The following NSD1 variants were observed in gnomAD, a reference collection of about 807,000 sequenced individuals.
NSD1 encodes histone-lysine N-methyltransferase, H3 lysine-36 specific.
Under a neutral mutation model 242.7 loss-of-function variants are expected in NSD1, and 26 were observed. That is an observed-to-expected ratio of 0.11 (90% confidence interval 0.08 to 0.15). The LOEUF is 0.15. Ranked by LOEUF, NSD1 falls within the 10% of genes least tolerant of loss-of-function variation. The probability of loss-of-function intolerance (pLI) is 1.00; values close to 1 mark genes in which losing one functional copy is unlikely to be tolerated. For synonymous variants in NSD1, 1,106 were observed against 1,178.1 expected (o/e 0.94, Z 1.25); for missense variants, 2,495 against 3,272.8 (o/e 0.76, Z 5.80).
intron 17 of NSD1, among the ~76,000 whole-genome samples, chr5:177,277,054 C>G (rs1186319555): frequency 6.6e-6 from 1 of 151,870 alleles, no homozygotes; most frequent in Admixed American, 6.6e-5. Context: ...ACATATTAAC[C>G]ATATTGAGCT....
intron 2 of NSD1, among the ~76,000 whole-genome samples, chr5:177,167,529 CTA>C (rs1759311536): frequency 6.6e-6 from 1 of 150,932 alleles, no homozygotes; most frequent in Admixed American, 6.6e-5. Flanking sequence ...GAGCAAAACT[CTA>C]TCTCAAAAAA....
At chr5:177,195,896 T>G (rs1337700751) in intron 3 of NSD1, among the ~76,000 whole-genome samples, 1 of 152,210 alleles carries the variant, frequency 6.6e-6, no homozygotes, top group Non-Finnish European at 1.5e-5. Context: ...ACATCTATAC[T>G]GCTTGCTCTC....
chr5:177,260,068 T>G lies in NSD1; in HGVS notation c.5046T>G (p.Leu1682=). The change falls in exon 14 of 23, where the codon CTT becomes CTG. Residue 1682 remains leucine (L), a synonymous_variant. Coordinates refer to ENST00000439151, the MANE Select transcript of NSD1 (RefSeq NM_022455.5). ...GCCTGGCTGCTGGGTCAAAGATCCT[T>G]GCATCTAATAGTATCATCTGCCCTA... ...DFCLAAGSKI[L]ASNSIICPNH... The G allele has an allele frequency of 1.2e-6, 2 of 1,614,220 alleles. No homozygotes were observed. The highest frequency in any genetic ancestry group is 3.3e-4 in the Middle Eastern group (2 of 6,062).
chr5:177,251,834 C>G lies in NSD1; in HGVS notation c.4746C>G (p.Ile1582Met). The G allele has an allele frequency of 6.2e-7, 1 of 1,614,182 alleles. No homozygotes were observed. The highest frequency in any genetic ancestry group is 8.5e-7 in the Non-Finnish European group (1 of 1,180,040). Residue 1582 changes from isoleucine to methionine, a missense_variant, in exon 12 of 23, where the codon ATC (isoleucine) becomes ATG (methionine). Transcript: ENST00000439151. ...CTGAGATGCCAAGAGGAAAATTTAT[C>G]TGCAATGAATGTCGCACAGGTAAAG... The part of the protein sequence containing the change: ...GLTEMPRGKF[I>M]CNECRTGIHT...
chr5:177,159,474 G>A (rs1330017915), intron 2 of NSD1, among the ~76,000 whole-genome samples: 1 of 151,808 alleles, frequency 6.6e-6, no homozygotes, highest in African/African-American at 2.4e-5. Flanking sequence ...GTAGAGACGA[G>A]GTTTCACCGC....
chr5:177,236,870 T>A (rs564532246), intron 6 of NSD1, among the ~76,000 whole-genome samples: 1 of 152,376 alleles, frequency 6.6e-6, no homozygotes, highest in East Asian at 1.9e-4. Flanking sequence ...TGAGACAGTG[T>A]CTTGCCCAAG....
intron 2 of NSD1, among the ~76,000 whole-genome samples, chr5:177,171,285 G>A (rs1352367383): frequency 2.6e-5 from 4 of 151,390 alleles, no homozygotes; most frequent in South Asian, 2.1e-4. Flanking sequence ...CCAGCCTGGC[G>A]ACAGAGCGAG....
At chr5:177,166,621 T>C (rs1006015599) in intron 2 of NSD1, among the ~76,000 whole-genome samples, 1 of 152,112 alleles carries the variant, frequency 6.6e-6, no homozygotes, top group Non-Finnish European at 1.5e-5. Context: ...TGCTCAGTTT[T>C]GTTGTTCAAT....
chr5:177,177,714 A>G (rs896077577), intron 2 of NSD1, among the ~76,000 whole-genome samples: 14 of 152,186 alleles, frequency 9.2e-5, no homozygotes, highest in African/African-American at 3.4e-4. Flanking sequence ...GAGAACCTAT[A>G]TGTATGGGAA....
At chr5:177,173,311 A>G (rs1425502672) in intron 2 of NSD1, among the ~76,000 whole-genome samples, 1 of 143,972 alleles carries the variant, frequency 6.9e-6, no homozygotes, top group East Asian at 2.0e-4. Flanking sequence ...AAAAAAAAAA[A>G]GAATTATATG....
Position 177,294,829 on chromosome 5 carries a change from G to A in NSD1, c.7461G>A (p.Glu2487=). 1.9e-6 allele frequency: 3 copies of A among 1,612,646 alleles called. No individual in the cohort carries two copies. The highest frequency in any genetic ancestry group is 2.2e-5 in the South Asian group (2 of 91,088). The change falls in exon 23 of 23, where the codon GAG becomes GAA. Residue 2487 remains glutamate (E), a synonymous_variant. Transcript: ENST00000439151. ...CTGATGAGAAGATGCCAGTGTTGGA[G>A]TCAAGTTCATGGCCTGCCAGCAAAG... The part of the protein sequence containing the change: ...PQADEKMPVL[E]SSSWPASKGL...
rs747598773 is a variant in NSD1, at chr5:177,211,811, G to C, written c.3412G>C (p.Asp1138His). Reference sequence around the variant, plus strand: ...TGAAAACGGAAAAGGCCCAGAGCTGGACTCTGTAATGAACAGTGAGAATGA... The same window carrying C: ...TGAAAACGGAAAAGGCCCAGAGCTGCACTCTGTAATGAACAGTGAGAATGA... The part of the protein sequence containing the change: ...SFENGKGPEL[D>H]SVMNSENDEL... The change falls in exon 5 of 23, where the codon GAC becomes CAC. Residue 1138 changes from aspartate (D) to histidine (H), a missense_variant. Around this residue, in one of 19 missense-constraint regions of NSD1, gnomAD observed 426 missense variants for 411.4 expected, o/e 1.04. Transcript: ENST00000439151. 1 of 1,614,176 alleles carries C rather than the reference G, an allele frequency of 6.2e-7. No individual in the cohort carries two copies. Among genetic ancestry groups the C allele is most frequent in the Non-Finnish European group, 8.5e-7 (1 of 1,180,044 alleles).
At chr5:177,207,421 T>C (rs1269865346) in intron 4 of NSD1, among the ~76,000 whole-genome samples, 1 of 151,342 alleles carries the variant, frequency 6.6e-6, no homozygotes, top group African/African-American at 2.4e-5. Context: ...TAGCTGGGAC[T>C]ACAGGTGTCC....
intron 10 of NSD1, among the ~76,000 whole-genome samples, chr5:177,247,737 T>C (rs1031074531): frequency 1.3e-5 from 2 of 152,222 alleles, no homozygotes; most frequent in Non-Finnish European, 2.9e-5. Flanking sequence ...ATCATTGATA[T>C]TATCTTCGGG....
Position 177,285,301 on chromosome 5 carries a change from C to T in NSD1, c.6151+1373C>T, listed in dbSNP as rs144339068. 3.5e-3 allele frequency among the ~76,000 whole-genome samples: 533 copies of T among 152,146 alleles called. 4 individuals are homozygous for T. The highest frequency in any genetic ancestry group is 0.012 in the African/African-American group (509 of 41,498). ...ATTTGTGGCTGGGCGCGATGGTTCACGCCTGTAATCCCAGCACTTTGGGAG... is the reference window on the plus strand; with the variant it reads ...ATTTGTGGCTGGGCGCGATGGTTCATGCCTGTAATCCCAGCACTTTGGGAG... On this transcript the variant is annotated intron_variant, in intron 20 of 22. Coordinates refer to ENST00000439151, the MANE Select transcript of NSD1 (RefSeq NM_022455.5).
chr5:177,260,563 G>A (rs1453817581), intron 14 of NSD1, among the ~76,000 whole-genome samples: 1 of 151,942 alleles, frequency 6.6e-6, no homozygotes, highest in Non-Finnish European at 1.5e-5. Flanking sequence ...GGCCAGGCTG[G>A]TCTCAAACTC....
rs1581091469 is a variant in NSD1 at position 177,135,725 on chromosome 5, G to A, written c.622G>A (p.Gly208Arg). 2 of 1,614,182 alleles carry A rather than the reference G, an allele frequency of 1.2e-6. No individual in the cohort carries two copies. Among genetic ancestry groups the A allele is most frequent in the Non-Finnish European group, 8.5e-7 (1 of 1,180,040 alleles). Residue 208 changes from glycine to arginine, a missense_variant, in exon 2 of 23, where the codon GGA (glycine) becomes AGA (arginine). Coordinates refer to ENST00000439151, the MANE Select transcript of NSD1 (RefSeq NM_022455.5). ...AGAGAATGGTGTAAAAGTGGCCATG[G>A]GAAGTGAACAAGACAGCACACCAGA... ...KSENGVKVAM[G>R]SEQDSTPESR... is the part of the protein sequence containing the mutation.
In NSD1 at chr5:177,292,036, C is replaced by T; in HGVS notation, c.6341C>T (p.Thr2114Ile). 1 of 1,614,120 alleles carries T rather than the reference C, an allele frequency of 6.2e-7. No individual in the cohort carries two copies. The highest frequency in any genetic ancestry group is 8.5e-7 in the Non-Finnish European group (1 of 1,180,012). ...QGKRRTQGEI[T>I]KEREDECFSC... ...AAGCGCAGGACCCAGGGTGAAATCACAAAGGAGCGAGAAGATGAGTGTTTT... is the reference window on the plus strand; with the variant it reads ...AAGCGCAGGACCCAGGGTGAAATCATAAAGGAGCGAGAAGATGAGTGTTTT... The change falls in exon 22 of 23, where the codon ACA becomes ATA. Residue 2114 changes from threonine (T) to isoleucine (I), a missense_variant. Thr to Ile is a moderately conservative substitution (Grantham distance 89). This residue lies in a region of NSD1 where 27 missense variants were observed against 33.4 expected (regional missense o/e 0.81). Coordinates refer to ENST00000439151, the MANE Select transcript of NSD1 (RefSeq NM_022455.5).
intron 21 of NSD1, among the ~76,000 whole-genome samples, chr5:177,291,378 G>A (rs776198900): frequency 6.6e-6 from 1 of 152,228 alleles, no homozygotes; most frequent in Admixed American, 6.5e-5. Context: ...ACTTTGGCCA[G>A]GTGCGGTGGC....
Sources: gnomAD v4.1 joint callset for allele counts (sites outside exome capture counted in the v4.1 genomes callset) on GRCh38, gnomAD v4.1.1 for gene constraint, gnomAD v4.1.1 regional missense constraint, MANE v1.5 for transcripts, NCBI Gene and HGNC (gene_info 2026-07-23, HGNC 2026-07-21) for gene names.